The following UBLCP1 variants were observed in gnomAD, a reference collection of about 807,000 sequenced individuals.
The protein encoded by UBLCP1 is ubiquitin-like domain-containing CTD phosphatase 1.
UBLCP1 carries 28 observed loss-of-function variants against 42.4 expected under a neutral mutation model. The ratio of observed to expected loss-of-function variants is 0.66; its 90% confidence interval spans 0.49 to 0.90. The LOEUF (loss-of-function observed/expected upper bound fraction) is 0.90. Among genes scored for constraint, UBLCP1 ranks in the 40% least tolerant of loss-of-function variants. The probability of loss-of-function intolerance (pLI) is 0.00; values close to 1 mark genes in which losing one functional copy is unlikely to be tolerated. For synonymous variants in UBLCP1, 122 were observed against 120.8 expected (o/e 1.01, Z -0.07); for missense variants, 279 against 374.5 (o/e 0.75, Z 2.10).
rs548110808 is a variant in UBLCP1 at position 159,285,168 on chromosome 5, G to A, written c.*237G>A. 6 of 436,038 alleles carry A rather than the reference G, an allele frequency of 1.4e-5. No homozygotes were observed. Among genetic ancestry groups the A allele is most frequent in the South Asian group, 2.3e-5 (1 of 42,558 alleles). The allele number at this position is 436,038 out of a possible 1,614,324, so 27.0% of individuals were successfully genotyped here. A position where few individuals can be genotyped will look rare whatever the true frequency, so the allele number is the denominator to read the frequency against. ...ACGCTTGAAAAATATTTTCTCCAGC[G>A]TTGGTTACTGACCACCCCACCCTCC... On this transcript the variant is annotated 3_prime_UTR_variant, in exon 11 of 11. Transcript: ENST00000296786.
intron 9 of UBLCP1, among the ~76,000 whole-genome samples, chr5:159,281,379 A>C (rs1228674811): frequency 6.6e-6 from 1 of 152,198 alleles, no homozygotes; most frequent in African/African-American, 2.4e-5. Context: ...AACTCATTTC[A>C]CTACATCCTC....
intron 1 of UBLCP1, among the ~76,000 whole-genome samples, chr5:159,267,941 A>G (rs1753418338): frequency 6.6e-6 from 1 of 152,236 alleles, no homozygotes; most frequent in African/African-American, 2.4e-5. Context: ...TGGCAGTGTG[A>G]AAACAGACTA....
chr5:159,264,352 TAAGA>T (rs143600389), intron 1 of UBLCP1, among the ~76,000 whole-genome samples: 1,837 of 152,354 alleles, frequency 0.012, 40 homozygotes, highest in African/African-American at 0.04. Context: ...TACAAAATAC[TAAGA>T]AAGAAGGTTA....
At chr5:159,278,527 T>C (rs1753565396) in intron 9 of UBLCP1, among the ~76,000 whole-genome samples, 173 bp downstream of exon 9, 1 of 152,200 alleles carries the variant, frequency 6.6e-6, no homozygotes, top group East Asian at 1.9e-4. Flanking sequence ...CTTTTTTGCA[T>C]TGATGTCTCC....
rs958088918 is a variant in UBLCP1 at position 159,285,136 on chromosome 5, T to A, written c.*205T>A. ...AAAATGCTTGTCCCCTATATGAATA[T>A]TCTGTTACGCTTGAAAAATATTTTC... On this transcript the variant is annotated 3_prime_UTR_variant, in exon 11 of 11. Transcript: ENST00000296786. The A allele has an allele frequency of 9.3e-6, 5 of 539,552 alleles. No homozygotes were observed. In the African/African-American group the frequency reaches 9.6e-5, roughly 10 times the overall value. 33.4% of individuals were successfully genotyped at this position (539,552 alleles called of 1,614,324 possible).
rs749806090 is a variant in UBLCP1 at position 159,284,981 on chromosome 5, C to G, written c.*50C>G. 11 of 1,574,710 alleles carry G rather than the reference C, an allele frequency of 7.0e-6. No individual in the cohort carries two copies. The highest frequency in any genetic ancestry group is 9.6e-6 in the Non-Finnish European group (11 of 1,145,190). Reference sequence around the variant, plus strand: ...GAAGATACTTAAGATCCAAGAACTTCTTGCTTTTATGCTAGAAATCATTAT... The same window carrying G: ...GAAGATACTTAAGATCCAAGAACTTGTTGCTTTTATGCTAGAAATCATTAT... On this transcript the variant is annotated 3_prime_UTR_variant, in exon 11 of 11. Coordinates refer to ENST00000296786, the MANE Select transcript of UBLCP1 (RefSeq NM_145049.5).
chr5:159,270,699 C>CT, intron 5 of UBLCP1, 56 bp downstream of exon 5: 1 of 1,096,832 alleles, frequency 9.1e-7, no homozygotes, highest in Non-Finnish European at 1.2e-6. Flanking sequence ...CTCTTTTTTT[C>CT]TTTTCTTTGT....
intron 3 of UBLCP1, 128 bp downstream of exon 3, chr5:159,270,127 C>A: frequency 1.2e-6 from 1 of 805,714 alleles, no homozygotes; most frequent in Non-Finnish European, 1.9e-6. Context: ...AAAACCCGCA[C>A]CGTGAATGTG....
rs1753664143 is a variant in UBLCP1 at position 159,285,325 on chromosome 5, G to A, written c.*394G>A. On this transcript the variant is annotated 3_prime_UTR_variant, in exon 11 of 11. Transcript: ENST00000296786. ...ATGTTTTGTGTTTTTGTCTCATTGT[G>A]TTATTGTCTGACTAAATCTAAAACC... 6.5e-6 allele frequency: 1 copy of A among 153,950 alleles called. No homozygotes were observed. Among genetic ancestry groups the A allele is most frequent in the African/African-American group, 2.5e-5 (1 of 40,104 alleles). The allele number at this position is 153,950 out of a possible 1,614,324, so 9.5% of individuals were successfully genotyped here. A position where few individuals can be genotyped will look rare whatever the true frequency, so the allele number is the denominator to read the frequency against.
intron 2 of UBLCP1, 50 bp from the exon 3 acceptor site, chr5:159,269,858 A>G: frequency 7.0e-7 from 1 of 1,438,844 alleles, no homozygotes; most frequent in Non-Finnish European, 9.7e-7. Context: ...GGAATAGTGA[A>G]ACCAGCACCT....
chr5:159,265,787 T>C (rs962754433), intron 1 of UBLCP1, among the ~76,000 whole-genome samples: 14 of 152,206 alleles, frequency 9.2e-5, no homozygotes, highest in African/African-American at 3.1e-4. Context: ...GAGGCCTCCC[T>C]AGCCATTGTG....
At chr5:159,271,896 T>A in intron 5 of UBLCP1, 127 bp from the exon 6 acceptor site, 1 of 602,096 alleles carries the variant, frequency 1.7e-6, no homozygotes, top group Non-Finnish European at 2.8e-6. Context: ...CGTAATTCAG[T>A]CTGAAGCAGT....
At chr5:159,273,996 G>A (rs1753504306) in intron 6 of UBLCP1, among the ~76,000 whole-genome samples, 2 of 152,246 alleles carry the variant, frequency 1.3e-5, no homozygotes, top group Admixed American at 1.3e-4. Context: ...TGATCTCAAA[G>A]CTGGTTAATG....
chr5:159,265,271 T>C (rs1753376050), intron 1 of UBLCP1, among the ~76,000 whole-genome samples: 1 of 152,222 alleles, frequency 6.6e-6, no homozygotes, highest in African/African-American at 2.4e-5. Context: ...TTAACCTCTT[T>C]CTTGCAGTTG....
chr5:159,269,413 T>C (rs1395920869), intron 2 of UBLCP1, among the ~76,000 whole-genome samples: 1 of 152,226 alleles, frequency 6.6e-6, no homozygotes, highest in East Asian at 1.9e-4. Context: ...AACGAGGGCC[T>C]CGTACTCTTC....
In UBLCP1 at chr5:159,270,282, C is replaced by T; in HGVS notation, c.247-78C>T. 10 of 1,195,408 alleles carry T rather than the reference C, an allele frequency of 8.4e-6. No individual in the cohort carries two copies. In the South Asian group the frequency reaches 1.4e-4, roughly 16 times the overall value. 74.1% of individuals were successfully genotyped at this position (1,195,408 alleles called of 1,614,324 possible). Reference sequence around the variant, plus strand: ...ACTCTGGAACTCAAATTGTATCTCTCATTTTATTTTTATGCTATGCATGTA... The same window carrying T: ...ACTCTGGAACTCAAATTGTATCTCTTATTTTATTTTTATGCTATGCATGTA... On this transcript the variant is annotated intron_variant, in intron 3 of 10. Coordinates refer to ENST00000296786, the MANE Select transcript of UBLCP1 (RefSeq NM_145049.5).
At chr5:159,271,658 ATC>A (rs1288151964) in intron 5 of UBLCP1, among the ~76,000 whole-genome samples, 5 of 152,224 alleles carry the variant, frequency 3.3e-5, no homozygotes, top group Non-Finnish European at 7.4e-5. Context: ...ATGTGATTAT[ATC>A]TGCAAGGTAG....
intron 10 of UBLCP1, among the ~76,000 whole-genome samples, chr5:159,283,837 C>G (rs1753636445): frequency 1.3e-5 from 2 of 152,126 alleles, no homozygotes; most frequent in Non-Finnish European, 2.9e-5. Context: ...AAGATAACCA[C>G]TGTTACCATC....
chr5:159,267,760 G>A (rs1005844991), intron 1 of UBLCP1, among the ~76,000 whole-genome samples: 2 of 152,196 alleles, frequency 1.3e-5, no homozygotes, highest in South Asian at 2.1e-4. Context: ...CATGAGATCT[G>A]ATGGGTTTAT....
Sources: allele counts gnomAD v4.1 joint callset (sites outside exome capture counted in the v4.1 genomes callset), GRCh38; gene constraint gnomAD v4.1.1; transcripts MANE v1.5; gene names NCBI Gene and HGNC (gene_info 2026-07-23, HGNC 2026-07-21).